MYOCD: variants seen among roughly 807,000 people sequenced by gnomAD.
The protein encoded by MYOCD is myocardin.
Under a neutral mutation model 96.1 loss-of-function variants are expected in MYOCD, and 32 were observed. That is an observed-to-expected ratio of 0.33 (90% confidence interval 0.25 to 0.45). The LOEUF is 0.45. MYOCD is among the 20% of genes least tolerant of loss of function. MYOCD has a pLI of 1.00. For synonymous variants in MYOCD, 469 were observed against 469.0 expected, an observed-to-expected ratio of 1.00 and a Z score of 0.00; for missense variants, 1,133 against 1,200.6, an observed-to-expected ratio of 0.94 and a Z score of 0.83.
intron 1 of MYOCD, among the ~76,000 whole-genome samples, chr17:12,668,665 G>A (rs1301163303): frequency 6.6e-6 from 1 of 152,008 alleles, no homozygotes; most frequent in Admixed American, 6.5e-5. Flanking sequence ...GGTCTCGGGG[G>A]CCAGACTAGC....
At chr17:12,734,233 A>G (rs1392364899) in intron 5 of MYOCD, among the ~76,000 whole-genome samples, 1 of 152,184 alleles carries the variant, frequency 6.6e-6, no homozygotes, top group Non-Finnish European at 1.5e-5. Context: ...GTCCACATGC[A>G]TTTAGACTGA....
chr17:12,762,983 CATCTTCT>C, intron 13 of MYOCD, 83 bp from the exon 14 acceptor site: 2 of 1,107,864 alleles, frequency 1.8e-6, no homozygotes, highest in Admixed American at 4.5e-5. Context: ...GAAGCGTGGC[CATCTTCT>C]GTATCTAAGT....
chr17:12,763,640 G>A lies in MYOCD; in HGVS notation c.2957G>A (p.Trp986Ter). The change falls in exon 14 of 14, where the codon TGG (tryptophan) becomes TAG (stop). Residue 986 changes from tryptophan to a stop codon, truncating the protein, a stop_gained. Transcript: ENST00000425538. LOFTEE classifies it high-confidence loss of function. ...TCCATGGACCTTCACTTGCAGCAGT[G>A]GTAGAATGCCCAATGCACCAGTGCT... ...NSSMDLHLQQW is the reference protein window; with the variant it reads ...NSSMDLHLQQ 1 of 1,606,948 alleles carries A rather than the reference G, an allele frequency of 6.2e-7. No homozygotes were observed.
chr17:12,757,914 A>G (rs2033058195), intron 11 of MYOCD, among the ~76,000 whole-genome samples, 171 bp from the exon 12 acceptor site: 1 of 152,156 alleles, frequency 6.6e-6, no homozygotes, highest in Admixed American at 6.5e-5. Context: ...CAATGAACCC[A>G]CAGTAGCATT....
Position 12,752,932 on chromosome 17 carries a change from G to C in MYOCD, c.1644G>C (p.Gln548His). 2 of 1,614,118 alleles carry C rather than the reference G, an allele frequency of 1.2e-6. No homozygotes were observed. The highest frequency in any genetic ancestry group is 1.7e-6 in the Non-Finnish European group (2 of 1,180,030). ...GGCAGGTGGAGGAGCTGAGGATGCA[G>C]CTTCAGAAGCAGAAAAGGAATAACT... ...EQRQVEELRM[Q>H]LQKQKRNNCS... is the part of the protein sequence containing the mutation. Residue 548 changes from glutamine (Q) to histidine (H), a missense_variant, in exon 10 of 14, where the codon CAG (glutamine) becomes CAC (histidine). Transcript: ENST00000425538.
At chr17:12,727,244 G>A (rs574124339) in intron 5 of MYOCD, among the ~76,000 whole-genome samples, 4 of 152,152 alleles carry the variant, frequency 2.6e-5, no homozygotes, top group Admixed American at 2.6e-4. Flanking sequence ...TCCAAAAGTG[G>A]ACAGCAGTAA....
chr17:12,719,291 G>A (rs1275080810), intron 4 of MYOCD, among the ~76,000 whole-genome samples: 1 of 151,220 alleles, frequency 6.6e-6, no homozygotes, highest in Non-Finnish European at 1.5e-5. Context: ...ATACACTGCT[G>A]GTGGGAGTGC....
At chr17:12,734,379 G>A (rs117446141) in intron 5 of MYOCD, among the ~76,000 whole-genome samples, 2,332 of 152,154 alleles carry the variant, frequency 0.015, 100 homozygotes, top group Admixed American at 0.1. Context: ...CTGGCCCGGG[G>A]CACGTGCCAT....
Position 12,753,272 on chromosome 17 carries a change from C to G in MYOCD, c.1984C>G (p.Pro662Ala), listed in dbSNP as rs1365656617. 7 of 1,613,802 alleles carry G rather than the reference C, an allele frequency of 4.3e-6. No homozygotes were observed. The Admixed American group carries it at 6.7e-5, about 15-fold the overall frequency. The change falls in exon 10 of 14, where the codon CCC (proline) becomes GCC (alanine). Residue 662 changes from proline to alanine, a missense_variant. By Grantham distance (27) the Pro-to-Ala change is conservative. Coordinates refer to ENST00000425538, the MANE Select transcript of MYOCD (RefSeq NM_001146312.3). ...ATCACCCAACAACCCTCACTTTCTGCCCTCATCCTCCGGGGCCCAGGGAGA... is the reference window on the plus strand; with the variant it reads ...ATCACCCAACAACCCTCACTTTCTGGCCTCATCCTCCGGGGCCCAGGGAGA... Reference protein sequence around the residue: ...PPSPNNPHFLPSSSGAQGEGH... With the variant: ...PPSPNNPHFLASSSGAQGEGH...
intron 1 of MYOCD, among the ~76,000 whole-genome samples, chr17:12,694,998 A>C (rs2030675662): frequency 6.6e-6 from 1 of 152,072 alleles, no homozygotes; most frequent in South Asian, 2.1e-4. Flanking sequence ...TTACTAATAA[A>C]AATCAGCTAA....
intron 2 of MYOCD, among the ~76,000 whole-genome samples, chr17:12,709,837 A>C (rs965074737): frequency 5.9e-5 from 9 of 152,152 alleles, no homozygotes; most frequent in Non-Finnish European, 1.5e-5. Flanking sequence ...TTTCTTATGC[A>C]AATTTTCTCT....
chr17:12,758,345 G>A (rs2033072489), intron 12 of MYOCD, 132 bp downstream of exon 12: 1 of 1,326,422 alleles, frequency 7.5e-7, no homozygotes, highest in Non-Finnish European at 1.0e-6. Flanking sequence ...ACCAAAATAA[G>A]CAAATTATCT....
At chr17:12,710,413 G>C (rs756119919) in intron 2 of MYOCD, 8 of 696,080 alleles carry the variant, frequency 1.1e-5, no homozygotes, top group Middle Eastern at 6.9e-4. Context: ...GGGCAGCTTG[G>C]TTTCATGATC....
intron 1 of MYOCD, among the ~76,000 whole-genome samples, chr17:12,681,165 C>T (rs1361096178): frequency 6.6e-6 from 1 of 152,326 alleles, no homozygotes; most frequent in Admixed American, 6.5e-5. Context: ...TGTACTGCTT[C>T]GCACAAGTAT....
At chr17:12,745,384 T>C (rs2032632899) in intron 8 of MYOCD, among the ~76,000 whole-genome samples, 2 of 151,980 alleles carry the variant, frequency 1.3e-5, no homozygotes, top group African/African-American at 4.8e-5. Context: ...TAATTTTGTA[T>C]TTTTAGTAGA....
chr17:12,682,827 A>T lies in MYOCD; in HGVS notation c.55+16584A>T, dbSNP rs374252502. Among the ~76,000 whole-genome samples the T allele has an allele frequency of 8.5e-5, 13 of 152,342 alleles. No individual in the cohort carries two copies. In the East Asian group the frequency reaches 1.2e-3, roughly 14 times the overall value. Reference sequence around the variant, plus strand: ...AGAACAGGATTTAAAAGTAGATCTCAAAGCTTTACCTGGTTGTGCTGATAG... The same window carrying T: ...AGAACAGGATTTAAAAGTAGATCTCTAAGCTTTACCTGGTTGTGCTGATAG... On this transcript the variant is annotated intron_variant, in intron 1 of 13. Coordinates refer to ENST00000425538, the MANE Select transcript of MYOCD (RefSeq NM_001146312.3).
At chr17:12,698,008 C>G (rs2030862888) in intron 1 of MYOCD, among the ~76,000 whole-genome samples, 1 of 152,078 alleles carries the variant, frequency 6.6e-6, no homozygotes, top group Non-Finnish European at 1.5e-5. Flanking sequence ...AATGTGAATG[C>G]ATAGGTTAGG....
intron 1 of MYOCD, among the ~76,000 whole-genome samples, chr17:12,697,359 A>ATATTTT (rs1427225443): frequency 1.3e-5 from 1 of 75,738 alleles, no homozygotes; most frequent in African/African-American, 6.0e-5. Flanking sequence ...ATATATATAT[A>ATATTTT]TTTTTTTTTT....
chr17:12,729,791 C>T (rs370001420), intron 5 of MYOCD, among the ~76,000 whole-genome samples: 1,876 of 152,098 alleles, frequency 0.012, 15 homozygotes, highest in South Asian at 0.027. Flanking sequence ...AGGCTGATCT[C>T]GAACTCCTGA....
Sources: allele counts gnomAD v4.1 joint callset (sites outside exome capture counted in the v4.1 genomes callset), GRCh38; gene constraint gnomAD v4.1.1; transcripts MANE v1.5; gene names NCBI Gene and HGNC (gene_info 2026-07-23, HGNC 2026-07-21).